NRXN3: variants seen among roughly 807,000 people sequenced by gnomAD.
NRXN3 encodes the protein neurexin 3.
NRXN3 carries 32 observed loss-of-function variants against 137.6 expected under a neutral mutation model. The observed-to-expected ratio is 0.23, with a 90% confidence interval of 0.18 to 0.31. NRXN3 has a LOEUF of 0.31. Among genes scored for constraint, NRXN3 ranks in the 10% least tolerant of loss-of-function variants. The pLI is 1.00. For synonymous variants in NRXN3, 798 were observed against 784.5 expected (o/e 1.02, Z -0.29); for missense variants, 1,574 against 2,062.5 (o/e 0.76, Z 4.59).
rs140991280 is a variant in NRXN3 at position 78,966,197 on chromosome 14, T to C, written c.2568T>C (p.Tyr856=). The C allele has an allele frequency of 6.2e-7, 1 of 1,614,210 alleles. No homozygotes were observed. The highest frequency in any genetic ancestry group is 8.5e-7 in the Non-Finnish European group (1 of 1,180,044). ...IDLCKNGDID[Y]CELKARFGLR... Reference sequence around the variant, plus strand: ...TGTGCAAAAATGGTGACATTGATTATTGTGAGCTGAAGGCTCGTTTTGGAC... The same window carrying C: ...TGTGCAAAAATGGTGACATTGATTACTGTGAGCTGAAGGCTCGTTTTGGAC... Residue 856 remains tyrosine, a synonymous_variant, in exon 12 of 21, where the codon TAT becomes TAC. Transcript: ENST00000335750.
Position 79,387,071 on chromosome 14 carries a change from G to A in NRXN3, c.3263-80150G>A, listed in dbSNP as rs1485131558. ...GGACTTCATGTCTAAAACACCAAAA[G>A]CAATGGCAACAAAAGACAAAATTGA... On this transcript the variant is annotated intron_variant, in intron 15 of 20. Transcript: ENST00000335750. Among the ~76,000 whole-genome samples the A allele has an allele frequency of 8.2e-3, 1,246 of 152,056 alleles. 23 individuals carry two copies. The East Asian group carries it at 0.095, about 12-fold the overall frequency.
intron 6 of NRXN3, among the ~76,000 whole-genome samples, chr14:78,680,470 A>T (rs2098063372): frequency 1.3e-5 from 2 of 152,222 alleles, no homozygotes; most frequent in Admixed American, 1.3e-4. Context: ...GTTCTTGAGC[A>T]GAAACTGTGA....
intron 10 of NRXN3, among the ~76,000 whole-genome samples, chr14:78,810,929 T>G (rs1049719091): frequency 2.0e-5 from 3 of 152,176 alleles, no homozygotes; most frequent in African/African-American, 7.2e-5. Context: ...TTTCACCTTA[T>G]CCCATTCAGA....
intron 15 of NRXN3, among the ~76,000 whole-genome samples, chr14:79,083,555 C>T (rs376869678): frequency 1.3e-5 from 2 of 152,196 alleles, no homozygotes; most frequent in African/African-American, 4.8e-5. Flanking sequence ...CCATTGCTGG[C>T]ATGTGTGCAA....
chr14:79,568,392 T>A (rs138831172), intron 16 of NRXN3, among the ~76,000 whole-genome samples: 1 of 152,332 alleles, frequency 6.6e-6, no homozygotes, highest in African/African-American at 2.4e-5. Context: ...CTGAGCCTTC[T>A]TAGTGAACAC....
chr14:79,525,544 A>C (rs1295166828), intron 16 of NRXN3, among the ~76,000 whole-genome samples: 1 of 152,230 alleles, frequency 6.6e-6, no homozygotes, highest in Non-Finnish European at 1.5e-5. Context: ...AAATGCAGTC[A>C]CAACTATTCC....
At chr14:78,454,006 G>A (rs776281336) in intron 4 of NRXN3, among the ~76,000 whole-genome samples, 2 of 152,130 alleles carry the variant, frequency 1.3e-5, no homozygotes, top group Non-Finnish European at 2.9e-5. Flanking sequence ...GTCGTACTTT[G>A]TTGCCCTAAA....
At chr14:79,183,550 T>C (rs1325593620) in intron 15 of NRXN3, among the ~76,000 whole-genome samples, 1 of 152,220 alleles carries the variant, frequency 6.6e-6, no homozygotes, top group Non-Finnish European at 1.5e-5. Flanking sequence ...TCATTAAAAA[T>C]ATATCTATGT....
chr14:78,589,290 G>C (rs571007314), intron 4 of NRXN3, among the ~76,000 whole-genome samples: 2 of 152,322 alleles, frequency 1.3e-5, no homozygotes, highest in Admixed American at 1.3e-4. Flanking sequence ...TAAGCAGGCT[G>C]CTGCCTTTGG....
At chr14:78,530,658 T>G (rs938845235) in intron 4 of NRXN3, among the ~76,000 whole-genome samples, 2 of 152,160 alleles carry the variant, frequency 1.3e-5, no homozygotes, top group Non-Finnish European at 2.9e-5. Flanking sequence ...TTTTAGGACT[T>G]GACCTAAAAG....
chr14:79,764,979 A>T (rs374524124), intron 19 of NRXN3, among the ~76,000 whole-genome samples: 30 of 152,176 alleles, frequency 2.0e-4, no homozygotes, highest in Non-Finnish European at 8.8e-5. Flanking sequence ...TTAAACAATT[A>T]AATATGCTCT....
chr14:79,064,710 T>A (rs1336123476), intron 15 of NRXN3, among the ~76,000 whole-genome samples: 1 of 121,972 alleles, frequency 8.2e-6, no homozygotes, highest in African/African-American at 2.8e-5. Context: ...CCATATATAT[T>A]TTTCATAATT....
At chr14:79,605,224 CTG>C (rs2097990816) in intron 16 of NRXN3, among the ~76,000 whole-genome samples, 1 of 152,206 alleles carries the variant, frequency 6.6e-6, no homozygotes, top group Non-Finnish European at 1.5e-5. Context: ...CCACTGCTGT[CTG>C]TGTGTCACCT....
intron 4 of NRXN3, 66 bp downstream of exon 4, chr14:78,297,926 C>T (rs2076506626): frequency 6.5e-7 from 1 of 1,527,778 alleles, no homozygotes; most frequent in East Asian, 2.5e-5. Flanking sequence ...TCTGGCTGGT[C>T]ACAGAGCCTC....
At chr14:78,844,883 C>G (rs1316117376) in intron 10 of NRXN3, among the ~76,000 whole-genome samples, 1 of 152,018 alleles carries the variant, frequency 6.6e-6, no homozygotes, top group Admixed American at 6.6e-5. Context: ...GTTTTATATT[C>G]AGATAACCAT....
chr14:79,289,154 A>G (rs918180547), intron 15 of NRXN3, among the ~76,000 whole-genome samples: 1 of 152,216 alleles, frequency 6.6e-6, no homozygotes, highest in African/African-American at 2.4e-5. Flanking sequence ...CACAGACATC[A>G]TGACTCTGAG....
intron 19 of NRXN3, among the ~76,000 whole-genome samples, chr14:79,791,006 C>G (rs1426299280): frequency 6.6e-6 from 1 of 152,160 alleles, no homozygotes; most frequent in Non-Finnish European, 1.5e-5. Context: ...ATGGGGAGGG[C>G]ACCAAGCCAT....
At chr14:78,468,813 A>T (rs1037703759) in intron 4 of NRXN3, among the ~76,000 whole-genome samples, 1 of 152,166 alleles carries the variant, frequency 6.6e-6, no homozygotes, top group South Asian at 2.1e-4. Flanking sequence ...GGTGAGAGGG[A>T]TCCTGCCTTA....
chr14:79,182,100 C>G (rs1743028887), intron 15 of NRXN3, among the ~76,000 whole-genome samples: 1 of 151,862 alleles, frequency 6.6e-6, no homozygotes, highest in African/African-American at 2.4e-5. Flanking sequence ...ATAAAATGAT[C>G]AATATCATGT....
Sources: allele counts gnomAD v4.1 joint callset (sites outside exome capture counted in the v4.1 genomes callset), GRCh38; gene constraint gnomAD v4.1.1; transcripts MANE v1.5; gene names NCBI Gene and HGNC (gene_info 2026-07-23, HGNC 2026-07-21).